Variants in GSTA1 observed in about 807,000 individuals in gnomAD.
GSTA1 encodes the protein glutathione S-transferase A1.
GSTA1 carries 23 observed loss-of-function variants against 21.5 expected under a neutral mutation model. That is an observed-to-expected ratio of 1.07 (90% CI 0.77 to 1.52). The LOEUF is 1.52. GSTA1 is among the 40% of genes most tolerant of loss of function. The pLI, the probability that GSTA1 is intolerant of heterozygous loss-of-function variation, is 0.00. For synonymous variants in GSTA1, 125 were observed against 90.0 expected, an observed-to-expected ratio of 1.39 and a Z score of -2.20; for missense variants, 301 against 264.2, an observed-to-expected ratio of 1.14 and a Z score of -0.96.
At chr6:52,794,354 T>G in intron 4 of GSTA1, 88 bp from the exon 5 acceptor site, 1 of 1,361,468 alleles carries the variant, frequency 7.3e-7, no homozygotes, top group Non-Finnish European at 1.0e-6. Flanking sequence ...GAGTATCAGG[T>G]GATGGCAAAA....
chr6:52,797,973 C>T (rs1302211505), intron 2 of GSTA1, among the ~76,000 whole-genome samples: 1 of 152,190 alleles, frequency 6.6e-6, no homozygotes, highest in African/African-American at 2.4e-5. Context: ...TTAGGAAAGC[C>T]TGTGTCTCCA....
chr6:52,792,084 G>T, intron 6 of GSTA1, 104 bp from the exon 7 acceptor site: 1 of 1,502,402 alleles, frequency 6.7e-7, no homozygotes, highest in East Asian at 2.3e-5. Context: ...AAGTGAGTCT[G>T]CTCCATCAGC....
chr6:52,798,093 C>T (rs1763631887), intron 2 of GSTA1, among the ~76,000 whole-genome samples: 2 of 152,212 alleles, frequency 1.3e-5, no homozygotes, highest in African/African-American at 2.4e-5. Context: ...TGTATCGCCC[C>T]ACTTCTCAGG....
chr6:52,797,641 G>A lies in GSTA1; in HGVS notation c.88-4C>T. 6.2e-7 allele frequency: 1 copy of A among 1,604,408 alleles called. No individual in the cohort carries two copies. Among genetic ancestry groups the A allele is most frequent in the Non-Finnish European group, 8.5e-7 (1 of 1,171,760 alleles). ...ATTTTATAAATTTCTCTTCAAACTG[G>A]AAGCAGAAACAGTAAATACGTTCTT... On this transcript the variant is annotated splice_region_variant and splice_polypyrimidine_tract_variant and intron_variant, in intron 2 of 6. Coordinates refer to ENST00000334575, the MANE Select transcript of GSTA1 (RefSeq NM_145740.5).
At chr6:52,794,539 GCA>G (rs1306665825) in intron 4 of GSTA1, among the ~76,000 whole-genome samples, 3 of 152,114 alleles carry the variant, frequency 2.0e-5, no homozygotes, top group Non-Finnish European at 4.4e-5. Context: ...AGAGAAATTG[GCA>G]GAATCACTGC....
At chr6:52,798,089 G>T (rs6423287) in intron 2 of GSTA1, among the ~76,000 whole-genome samples, 95,951 of 152,050 alleles carry the variant, frequency 0.63, 30,888 homozygotes, top group East Asian at 0.87. Flanking sequence ...AATTTGTATC[G>T]CCCCACTTCT....
At chr6:52,793,829 C>T (rs1763513726) in intron 5 of GSTA1, among the ~76,000 whole-genome samples, 1 of 152,182 alleles carries the variant, frequency 6.6e-6, no homozygotes, top group Non-Finnish European at 1.5e-5. Context: ...CAACAGCAAC[C>T]TCTAGTGTGG....
intron 5 of GSTA1, among the ~76,000 whole-genome samples, chr6:52,793,416 C>CT (rs1376268696): frequency 6.6e-6 from 1 of 152,148 alleles, no homozygotes; most frequent in African/African-American, 2.4e-5. Flanking sequence ...CACTCTTCCC[C>CT]AGGAGGAGAC....
intron 4 of GSTA1, 48 bp downstream of exon 4, chr6:52,796,134 A>T: frequency 6.2e-7 from 1 of 1,610,914 alleles, no homozygotes; most frequent in Non-Finnish European, 8.5e-7. Flanking sequence ...GAAGGACCTA[A>T]ATCACTCTGT....
At chr6:52,797,695 C>G in intron 2 of GSTA1, 58 bp from the exon 3 acceptor site, 4 of 1,409,992 alleles carry the variant, frequency 2.8e-6, no homozygotes, top group Non-Finnish European at 4.0e-6. Context: ...AGACTGTGGC[C>G]TTGAATGGCC....
At position 52,793,588 on chromosome 6, in the gene GSTA1, C is replaced by G. The variant is rs143098181; in HGVS notation, c.414+537G>C. On this transcript the variant is annotated intron_variant, in intron 5 of 6. Coordinates refer to ENST00000334575, the MANE Select transcript of GSTA1 (RefSeq NM_145740.5). ...TATAATCTGCAAGCTGAAGCGTTTA[C>G]GGGTGAACTGCACTGATGTCTGCAA... Among the ~76,000 whole-genome samples, 250 of 152,256 alleles carry G rather than the reference C, an allele frequency of 1.6e-3. 2 individuals are homozygous for G. Among genetic ancestry groups the G allele is most frequent in the African/African-American group, 5.9e-3 (246 of 41,534 alleles).
At chr6:52,792,040 G>T in intron 6 of GSTA1, 60 bp from the exon 7 acceptor site, 1 of 1,603,516 alleles carries the variant, frequency 6.2e-7, no homozygotes, top group South Asian at 1.1e-5. Flanking sequence ...CCATTAACAT[G>T]ACCCAGGGAA....
At chr6:52,794,439 C>T (rs1286817601) in intron 4 of GSTA1, among the ~76,000 whole-genome samples, 173 bp from the exon 5 acceptor site, 5 of 152,114 alleles carry the variant, frequency 3.3e-5, no homozygotes, top group African/African-American at 2.4e-5. Context: ...TAACATTTAT[C>T]TCTTAACCTA....
chr6:52,794,660 A>G (rs1024703256), intron 4 of GSTA1, among the ~76,000 whole-genome samples: 1 of 152,154 alleles, frequency 6.6e-6, no homozygotes, highest in Non-Finnish European at 1.5e-5. Flanking sequence ...AAGTAATCCT[A>G]AGAGAGTCCC....
chr6:52,794,496 C>T (rs1378201816), intron 4 of GSTA1, among the ~76,000 whole-genome samples: 1 of 152,178 alleles, frequency 6.6e-6, no homozygotes, highest in East Asian at 1.9e-4. Context: ...TGACCTAATA[C>T]AGGTAAAAAG....
At chr6:52,800,670 G>A (rs1763694742) in intron 1 of GSTA1, among the ~76,000 whole-genome samples, 1 of 152,066 alleles carries the variant, frequency 6.6e-6, no homozygotes, top group African/African-American at 2.4e-5. Flanking sequence ...GTGGCTGCAG[G>A]GACAGATGCA....
rs1763651008 is a variant in GSTA1, at chr6:52,799,100, A to C, written c.87+81T>G. 1.5e-6 allele frequency: 2 copies of C among 1,307,208 alleles called. 1 individual carries two copies. The highest frequency in any genetic ancestry group is 2.4e-5 in the South Asian group (2 of 83,178). The allele number at this position is 1,307,208 out of a possible 1,614,324, so 81.0% of individuals were successfully genotyped here. A position where few individuals can be genotyped will look rare whatever the true frequency, so the allele number is the denominator to read the frequency against. On this transcript the variant is annotated intron_variant, in intron 2 of 6. Coordinates refer to ENST00000334575, the MANE Select transcript of GSTA1 (RefSeq NM_145740.5). Reference sequence around the variant, plus strand: ...TTTAAGGCACAATGCTTCAGTAAGCAACATCTCATAGTTTCTGTGGGAAAA... The same window carrying C: ...TTTAAGGCACAATGCTTCAGTAAGCCACATCTCATAGTTTCTGTGGGAAAA...
At chr6:52,799,390 G>A in intron 1 of GSTA1, 93 bp from the exon 2 acceptor site, 1 of 783,006 alleles carries the variant, frequency 1.3e-6, no homozygotes, top group South Asian at 1.9e-5. Context: ...CAATACTGAA[G>A]AAGAACCTTC....
Position 52,794,217 on chromosome 6 carries a change from G to A in GSTA1, c.322C>T (p.Leu108Phe), listed in dbSNP as rs773702223. Residue 108 changes from leucine to phenylalanine, a missense_variant, in exon 5 of 7, where the codon CTT becomes TTT. By Grantham distance (22) the Leu-to-Phe change is conservative. Coordinates refer to ENST00000334575, the MANE Select transcript of GSTA1 (RefSeq NM_145740.5). Reference protein sequence around the residue: ...GIADLGEMILLLPVCPPEEKD... With the variant: ...GIADLGEMILFLPVCPPEEKD... Reference sequence around the variant, plus strand: ...TCCTCAGGTGGACATACGGGCAGAAGGAGGATCATTTCACCCAAATCTGCT... The same window carrying A: ...TCCTCAGGTGGACATACGGGCAGAAAGAGGATCATTTCACCCAAATCTGCT... The A allele has an allele frequency of 6.2e-7, 1 of 1,613,856 alleles. No homozygotes were observed.
Sources: gnomAD v4.1 joint callset for allele counts (sites outside exome capture counted in the v4.1 genomes callset) on GRCh38, gnomAD v4.1.1 for gene constraint, MANE v1.5 for transcripts, NCBI Gene and HGNC (gene_info 2026-07-23, HGNC 2026-07-21) for gene names.